Variants in SKI observed in about 807,000 individuals in gnomAD.
SKI encodes the protein SKI proto-oncogene.
A neutral mutation model predicts 59.3 loss-of-function variants in SKI; 23 were observed. That is an observed-to-expected ratio of 0.39 (90% CI 0.28 to 0.55). The LOEUF (loss-of-function observed/expected upper bound fraction) is 0.55, where lower values mean the gene tolerates loss of function less well. Among genes scored for constraint, SKI ranks in the 20% least tolerant of loss-of-function variants. SKI has a pLI of 0.67. For missense variants in SKI, 1,017 were observed against 1,038.9 expected (o/e 0.98, Z 0.29); for synonymous variants, 673 against 488.6 (o/e 1.38, Z -4.98).
At chr1:2,276,978 G>A (rs1429403266) in intron 1 of SKI, among the ~76,000 whole-genome samples, 1 of 152,136 alleles carries the variant, frequency 6.6e-6, no homozygotes, top group Non-Finnish European at 1.5e-5. Context: ...GGGAGATTCC[G>A]ACACAGCAGG....
intron 1 of SKI, among the ~76,000 whole-genome samples, chr1:2,250,948 T>C (rs997215611): frequency 6.6e-6 from 1 of 152,236 alleles, no homozygotes; most frequent in African/African-American, 2.4e-5. Context: ...CCCCATGCTT[T>C]TCTCAGGGGA....
chr1:2,285,870 GTT>G (rs77227502), intron 1 of SKI, among the ~76,000 whole-genome samples: 107 of 102,678 alleles, frequency 1.0e-3, no homozygotes, highest in African/African-American at 1.7e-3. Flanking sequence ...CAGCCAGAAG[GTT>G]TTTTTTTTTT....
At position 2,299,563 on chromosome 1, in the gene SKI, A is replaced by AG. The variant is rs1434468816; in HGVS notation, c.970-3411dup. Among the ~76,000 whole-genome samples the AG allele has an allele frequency of 3.9e-5, 6 of 152,146 alleles. No homozygotes were observed. The East Asian group carries it at 7.8e-4, about 20-fold the overall frequency. ...AGGACTCCAGCCTCCCTGCCAGGGT[A>AG]GGGGACATGGAGCGTCTCCTTGCTC... On this transcript the variant is annotated intron_variant, in intron 1 of 6. Transcript: ENST00000378536.
In SKI at chr1:2,284,932, G is replaced by A. The variant is rs926605682; in HGVS notation, c.970-18046G>A. On this transcript the variant is annotated intron_variant, in intron 1 of 6. Transcript: ENST00000378536. Reference sequence around the variant, plus strand: ...CACACACAGCACAGGTGCACCATGCGGGCCTTTCTGATGATCAGAATTCAT... The same window carrying A: ...CACACACAGCACAGGTGCACCATGCAGGCCTTTCTGATGATCAGAATTCAT... 5.9e-5 allele frequency among the ~76,000 whole-genome samples: 9 copies of A among 152,322 alleles called. No individual in the cohort carries two copies. In the East Asian group the frequency reaches 7.7e-4, roughly 13 times the overall value.
chr1:2,232,710 CAG>C (rs1335666328), intron 1 of SKI: 2 of 152,364 alleles, frequency 1.3e-5, no homozygotes, highest in East Asian at 1.9e-4. Flanking sequence ...CTATCCTTGA[CAG>C]GGGACCTTGT....
intron 1 of SKI, among the ~76,000 whole-genome samples, chr1:2,293,390 G>A (rs139509812): frequency 6.6e-6 from 1 of 152,012 alleles, no homozygotes; most frequent in Non-Finnish European, 1.5e-5. Flanking sequence ...TGGGGCCTGC[G>A]GATGTCGCTT....
chr1:2,295,540 T>G (rs570180989), intron 1 of SKI, among the ~76,000 whole-genome samples: 1 of 152,120 alleles, frequency 6.6e-6, no homozygotes, highest in African/African-American at 2.4e-5. Flanking sequence ...GGTCCGTCAC[T>G]CCCCAGGCCC....
Position 2,229,002 on chromosome 1 carries a change from T to C in SKI, c.236T>C (p.Ile79Thr), listed in dbSNP as rs1638568722. 1 of 1,566,334 alleles carries C rather than the reference T, an allele frequency of 6.4e-7. No homozygotes were observed. The highest frequency in any genetic ancestry group is 8.6e-7 in the Non-Finnish European group (1 of 1,163,492). ...CCGCCCGTGCTGCACCTGCCCGCCA[T>C]CCAGCCGCCGCCGCCCGTGCTGCCC... ...EPPPVLHLPA[I>T]QPPPPVLPGP... The change falls in exon 1 of 7, where the codon ATC (isoleucine) becomes ACC (threonine). Residue 79 changes from isoleucine (I) to threonine (T), a missense_variant. Ile to Thr is a moderately conservative substitution (Grantham distance 89). Coordinates refer to ENST00000378536, the MANE Select transcript of SKI (RefSeq NM_003036.4). The surrounding 1 kb of genome is among the most constrained non-coding windows in gnomAD (Gnocchi z 6.3).
At chr1:2,253,700 G>A (rs1639214819) in intron 1 of SKI, among the ~76,000 whole-genome samples, 1 of 152,208 alleles carries the variant, frequency 6.6e-6, no homozygotes, top group Admixed American at 6.5e-5. Flanking sequence ...GGAGGATGGA[G>A]CTGGTGCTGC....
Position 2,306,833 on chromosome 1 carries a change from C to T in SKI, c.*68C>T. 9.7e-7 allele frequency: 1 copy of T among 1,034,442 alleles called. No homozygotes were observed. The highest frequency in any genetic ancestry group is 1.3e-6 in the Non-Finnish European group (1 of 791,866). The allele number at this position is 1,034,442 out of a possible 1,614,324, so 64.1% of individuals were successfully genotyped here. Reference sequence around the variant, plus strand: ...AGGGGGGCGCGGCTGGGCGGTGCAGCTCCGCCCGGCTCCGCCCCTGCAGCC... The same window carrying T: ...AGGGGGGCGCGGCTGGGCGGTGCAGTTCCGCCCGGCTCCGCCCCTGCAGCC... On this transcript the variant is annotated 3_prime_UTR_variant, in exon 7 of 7. Coordinates refer to ENST00000378536, the MANE Select transcript of SKI (RefSeq NM_003036.4).
intron 1 of SKI, among the ~76,000 whole-genome samples, chr1:2,265,745 T>TA (rs2100845627): frequency 6.6e-6 from 1 of 152,258 alleles, no homozygotes; most frequent in East Asian, 1.9e-4. Context: ...GGTGGGCAGA[T>TA]TGCTTGAGTC....
rs1302405999 is a variant in SKI, at chr1:2,307,484, T to TCTGCACCCCGTGATTCTGCC, written c.*721_*740dup. ...AGCTGAGGGGACGGTCTTCGGCTCC[T>TCTGCACCCCGTGATTCTGCC]CTGCACCCCGTGATTCTGCCCACGC... On this transcript the variant is annotated 3_prime_UTR_variant, in exon 7 of 7. Coordinates refer to ENST00000378536, the MANE Select transcript of SKI (RefSeq NM_003036.4). The TCTGCACCCCGTGATTCTGCC allele has an allele frequency of 2.6e-5, 4 of 152,494 alleles. No individual in the cohort carries two copies. In the East Asian group the frequency reaches 7.7e-4, roughly 29 times the overall value. 9.4% of individuals were successfully genotyped at this position (152,494 alleles called of 1,614,324 possible). A position where few individuals can be genotyped will look rare whatever the true frequency, so the allele number is the denominator to read the frequency against.
chr1:2,261,336 T>C (rs1214454402), intron 1 of SKI, among the ~76,000 whole-genome samples: 1 of 152,208 alleles, frequency 6.6e-6, no homozygotes, highest in Non-Finnish European at 1.5e-5. Context: ...GAAATTTTGA[T>C]TGGGATTGTA....
chr1:2,234,752 A>G (rs1451967669), intron 1 of SKI, among the ~76,000 whole-genome samples: 2 of 152,228 alleles, frequency 1.3e-5, no homozygotes, highest in African/African-American at 2.4e-5. Context: ...TGGAAGAATT[A>G]TGCAAGCTTC....
rs762643946 is a variant in SKI, at chr1:2,287,904, A to G, written c.970-15074A>G. On this transcript the variant is annotated intron_variant, in intron 1 of 6. Coordinates refer to ENST00000378536, the MANE Select transcript of SKI (RefSeq NM_003036.4). ...ACCCCGAGCCCTGAGCCCCGCCTTG[A>G]GCCCTGGGCGCTCCTGGCCCTGGCC... Among the ~76,000 whole-genome samples the G allele has an allele frequency of 7.4e-4, 112 of 151,762 alleles. 1 individual carries two copies. The highest frequency in any genetic ancestry group is 3.5e-3 in the Middle Eastern group (1 of 288).
chr1:2,293,423 C>A (rs1007507957), intron 1 of SKI, among the ~76,000 whole-genome samples: 1 of 101,982 alleles, frequency 9.8e-6, no homozygotes, highest in Non-Finnish European at 2.1e-5. Flanking sequence ...GAAGCCAGGG[C>A]GAGGCCCCCC....
At chr1:2,274,772 G>A (rs536915366) in intron 1 of SKI, among the ~76,000 whole-genome samples, 17 of 152,322 alleles carry the variant, frequency 1.1e-4, no homozygotes, top group African/African-American at 3.8e-4. Context: ...CGTGATGGGG[G>A]GCAGGGACCC....
intron 1 of SKI, among the ~76,000 whole-genome samples, chr1:2,250,305 G>A (rs1375085548): frequency 1.3e-5 from 2 of 152,156 alleles, no homozygotes; most frequent in African/African-American, 2.4e-5. Flanking sequence ...GGTAGCCCTC[G>A]TGCCGCTCTC....
intron 1 of SKI, among the ~76,000 whole-genome samples, chr1:2,276,034 C>T (rs1239599768): frequency 6.6e-6 from 1 of 152,206 alleles, no homozygotes; most frequent in Non-Finnish European, 1.5e-5. Flanking sequence ...TGAGCAATCT[C>T]CTTGTGCTCT....
Sources: gnomAD v4.1 joint callset for allele counts (sites outside exome capture counted in the v4.1 genomes callset) on GRCh38, gnomAD v4.1.1 for gene constraint, Gnocchi (gnomAD v3.1) non-coding constraint, MANE v1.5 for transcripts, NCBI Gene and HGNC (gene_info 2026-07-23, HGNC 2026-07-21) for gene names.